Variants in DGCR2 observed in about 807,000 individuals in gnomAD.
The protein encoded by DGCR2 is integral membrane protein DGCR2/IDD.
DGCR2 carries 24 observed loss-of-function variants against 51.6 expected under a neutral mutation model. The ratio of observed to expected loss-of-function variants is 0.47; its 90% confidence interval spans 0.34 to 0.65. The LOEUF (loss-of-function observed/expected upper bound fraction) is 0.65. Among genes scored for constraint, DGCR2 ranks in the 30% least tolerant of loss-of-function variants. The probability of loss-of-function intolerance (pLI) is 0.01; values close to 1 mark genes in which losing one functional copy is unlikely to be tolerated. For synonymous variants in DGCR2, 340 were observed against 315.4 expected (o/e 1.08, Z -0.82); for missense variants, 765 against 772.1 (o/e 0.99, Z 0.11).
In DGCR2 at chr22:19,100,880, G is replaced by A. The variant is rs376596058; in HGVS notation, c.80-11390C>T. 5.9e-5 allele frequency among the ~76,000 whole-genome samples: 9 copies of A among 152,110 alleles called. No homozygotes were observed. The East Asian group carries it at 7.8e-4, about 13-fold the overall frequency. On this transcript the variant is annotated intron_variant, in intron 1 of 9. Transcript: ENST00000263196. ...AGCACTTTGGGAGGCCAAGGTGGTC[G>A]GAACACTTGAGGTCAGGAGTTCAAG... is the stretch of plus-strand genomic sequence containing the variant.
intron 6 of DGCR2, among the ~76,000 whole-genome samples, chr22:19,052,600 C>T (rs2082561025): frequency 7.0e-6 from 1 of 143,420 alleles, no homozygotes; most frequent in East Asian, 2.0e-4. Flanking sequence ...TAGCGAAATC[C>T]CGCCTCTACA....
At chr22:19,062,743 CATAAAA>C in intron 5 of DGCR2, among the ~76,000 whole-genome samples, 2 of 145,130 alleles carry the variant, frequency 1.4e-5, no homozygotes, top group Admixed American at 6.9e-5. Context: ...AGCAGCTCCG[CATAAAA>C]TCTTTGCGCA....
At chr22:19,052,643 C>T (rs562691870) in intron 6 of DGCR2, among the ~76,000 whole-genome samples, 4 of 150,900 alleles carry the variant, frequency 2.7e-5, no homozygotes, top group East Asian at 3.9e-4. Flanking sequence ...AAGTTGGGCA[C>T]AGTGGCATGC....
chr22:19,122,158 C>G lies in DGCR2; in HGVS notation c.49G>C (p.Val17Leu), dbSNP rs778314166. The G allele has an allele frequency of 6.6e-7, 1 of 1,510,950 alleles. No homozygotes were observed. The highest frequency in any genetic ancestry group is 2.2e-5 in the Admixed American group (1 of 46,402). 93.6% of individuals were successfully genotyped at this position (1,510,950 alleles called of 1,614,324 possible). The change falls in exon 1 of 10, where the codon GTG (valine) becomes CTG (leucine). Residue 17 changes from valine to leucine, a missense_variant. Physicochemically the swap from Val to Leu is conservative, Grantham distance 32 (BLOSUM62 1). Coordinates refer to ENST00000263196, the MANE Select transcript of DGCR2 (RefSeq NM_005137.3). ...SGAFLLLFLL[V>L]LTVTEPLRPE... ...CGCAGCGGCTCGGTGACAGTGAGCA[C>G]GAGCAGGAAGAGCAGCAGGAAGGCG...
chr22:19,074,272 A>G (rs1301754023), intron 2 of DGCR2, among the ~76,000 whole-genome samples: 2 of 152,076 alleles, frequency 1.3e-5, no homozygotes, highest in Non-Finnish European at 2.9e-5. Flanking sequence ...TAAAAAATAC[A>G]AAAATTAGCT....
At chr22:19,104,037 G>GA (rs549937237) in intron 1 of DGCR2, among the ~76,000 whole-genome samples, 133 of 151,010 alleles carry the variant, frequency 8.8e-4, no homozygotes, top group African/African-American at 3.2e-3. Flanking sequence ...AAGAGAGAGA[G>GA]AAAAAAAGAG....
rs1214248320 is a variant in DGCR2, at chr22:19,104,038, A to AGG, written c.80-14549_80-14548insCC. Among the ~76,000 whole-genome samples, 7 of 151,676 alleles carry AGG rather than the reference A, an allele frequency of 4.6e-5. No individual in the cohort carries two copies. In the South Asian group the frequency reaches 1.2e-3, roughly 27 times the overall value. On this transcript the variant is annotated intron_variant, in intron 1 of 9. Coordinates refer to ENST00000263196, the MANE Select transcript of DGCR2 (RefSeq NM_005137.3). ...CACTGTTCTTTCAAAAGAGAGAGAG[A>AGG]AAAAAAGAGAGAATCCCAAGCATAC...
At chr22:19,106,836 C>A (rs5747981) in intron 1 of DGCR2, among the ~76,000 whole-genome samples, 1 of 151,876 alleles carries the variant, frequency 6.6e-6, no homozygotes, top group African/African-American at 2.4e-5. Flanking sequence ...GGGTGGGGCT[C>A]TGCATTCTGA....
Position 19,057,134 on chromosome 22 carries a change from G to A in DGCR2, c.654C>T (p.Asp218=), listed in dbSNP as rs746300668. Residue 218 remains aspartate, a synonymous_variant, in exon 6 of 10, where the codon GAC becomes GAT. Transcript: ENST00000263196. This position sits in a 1 kb window ranked among gnomAD's most constrained non-coding sequence, Gnocchi z 5.1. ...KGSSEVFLPP[D]PIFASAMSEN... The stretch of plus-strand genomic sequence containing the variant: ...CAGACATGGCCGAGGCAAAGATGGG[G>A]TCTGGGGGCAGGAACACCTCTGAAG... The A allele has an allele frequency of 1.9e-6, 3 of 1,608,232 alleles. No homozygotes were observed. Among genetic ancestry groups the A allele is most frequent in the Non-Finnish European group, 2.5e-6 (3 of 1,177,464 alleles).
In DGCR2 at chr22:19,070,209, T is replaced by A. The variant is rs541826843; in HGVS notation, c.203-1984A>T. Among the ~76,000 whole-genome samples the A allele has an allele frequency of 8.2e-4, 125 of 152,008 alleles. 1 individual carries two copies. Among genetic ancestry groups the A allele is most frequent in the Admixed American group, 2.4e-3 (37 of 15,254 alleles). On this transcript the variant is annotated intron_variant, in intron 2 of 9. Coordinates refer to ENST00000263196, the MANE Select transcript of DGCR2 (RefSeq NM_005137.3). ...AGCTCTGATGCAGGGATGCAGCCAC[T>A]AGGATGGGGCATCAGCACTTGGTGG...
intron 7 of DGCR2, chr22:19,046,100 G>C (rs1197623872): frequency 6.6e-6 from 1 of 152,144 alleles, no homozygotes; most frequent in Non-Finnish European, 1.5e-5. Context: ...GGATTATACT[G>C]AATCTATAAT....
At chr22:19,097,880 C>T (rs2083159398) in intron 1 of DGCR2, among the ~76,000 whole-genome samples, 1 of 151,978 alleles carries the variant, frequency 6.6e-6, no homozygotes, top group South Asian at 2.1e-4. Context: ...CACCCTGAGG[C>T]AGAAAGAGGT....
chr22:19,099,440 A>G (rs2083177373), intron 1 of DGCR2, among the ~76,000 whole-genome samples: 1 of 151,488 alleles, frequency 6.6e-6, no homozygotes, highest in Non-Finnish European at 1.5e-5. Flanking sequence ...CATAAGCCAG[A>G]TGTGGTGGTG....
intron 1 of DGCR2, among the ~76,000 whole-genome samples, chr22:19,120,977 G>A (rs2083425017): frequency 6.6e-6 from 1 of 152,226 alleles, no homozygotes; most frequent in Non-Finnish European, 1.5e-5. Flanking sequence ...TCCAGGTTGA[G>A]CACCGGTCAG....
In DGCR2 at chr22:19,042,568, C is replaced by T. The variant is rs183167367; in HGVS notation, c.1007-609G>A. 2.2e-4 allele frequency among the ~76,000 whole-genome samples: 34 copies of T among 152,328 alleles called. No homozygotes were observed. The East Asian group carries it at 6.4e-3, about 29-fold the overall frequency. On this transcript the variant is annotated intron_variant, in intron 7 of 9. Coordinates refer to ENST00000263196, the MANE Select transcript of DGCR2 (RefSeq NM_005137.3). The stretch of plus-strand genomic sequence containing the variant: ...CTGGCAGTTTGGAGTGGGGGTGACG[C>T]CCCTGCGGAGCATGGCTCGGGCGGC...
intron 5 of DGCR2, among the ~76,000 whole-genome samples, chr22:19,059,320 G>A (rs570713453): frequency 2.0e-4 from 30 of 151,228 alleles, no homozygotes; most frequent in Non-Finnish European, 2.5e-4. Flanking sequence ...ATCCCGGTGG[G>A]GGCTGCAAGA....
At chr22:19,070,218 G>A (rs527586984) in intron 2 of DGCR2, among the ~76,000 whole-genome samples, 25 of 152,318 alleles carry the variant, frequency 1.6e-4, no homozygotes, top group African/African-American at 5.1e-4. Context: ...CTAGGATGGG[G>A]CATCAGCACT....
intron 5 of DGCR2, chr22:19,060,438 A>G (rs2082648397): frequency 6.5e-6 from 1 of 154,320 alleles, no homozygotes; most frequent in African/African-American, 2.4e-5. Context: ...GTGCTGAGAC[A>G]CCACGGGGGA....
At chr22:19,119,994 A>G (rs1411019810) in intron 1 of DGCR2, among the ~76,000 whole-genome samples, 1 of 152,140 alleles carries the variant, frequency 6.6e-6, no homozygotes, top group Admixed American at 6.5e-5. Flanking sequence ...CTAAGACCAG[A>G]GAAGCCCCAG....
Sources: gnomAD v4.1 joint callset for allele counts (sites outside exome capture counted in the v4.1 genomes callset) on GRCh38, gnomAD v4.1.1 for gene constraint, Gnocchi (gnomAD v3.1) non-coding constraint, MANE v1.5 for transcripts, NCBI Gene and HGNC (gene_info 2026-07-23, HGNC 2026-07-21) for gene names.